The following ZFAND6 variants were observed in gnomAD, a reference collection of about 807,000 sequenced individuals.
ZFAND6 encodes the protein AN1-type zinc finger protein 6.
A neutral mutation model predicts 24.5 loss-of-function variants in ZFAND6; 12 were observed. The observed-to-expected ratio is 0.49, with a 90% CI of 0.31 to 0.79. The LOEUF (loss-of-function observed/expected upper bound fraction) is 0.79. Among genes scored for constraint, ZFAND6 ranks in the 30% least tolerant of loss-of-function variants. The probability of loss-of-function intolerance (pLI) is 0.04; values close to 1 mark genes in which losing one functional copy is unlikely to be tolerated. For missense variants in ZFAND6, 207 were observed against 245.9 expected (o/e 0.84, Z 1.06); for synonymous variants, 92 against 81.5 (o/e 1.13, Z -0.69).
intron 6 of ZFAND6, among the ~76,000 whole-genome samples, chr15:80,132,512 C>A (rs1282720155): frequency 2.0e-5 from 3 of 152,140 alleles, no homozygotes; most frequent in Non-Finnish European, 4.4e-5. Context: ...ATATACTATA[C>A]TTCTCTAATA....
intron 5 of ZFAND6, among the ~76,000 whole-genome samples, chr15:80,126,562 A>G (rs762437288): frequency 5.9e-5 from 9 of 152,248 alleles, no homozygotes; most frequent in Non-Finnish European, 1.0e-4. Context: ...TTTTAAACAA[A>G]TGATGCAGGA....
At chr15:80,077,474 C>CA (rs930939650) in intron 1 of ZFAND6, among the ~76,000 whole-genome samples, 1 of 151,462 alleles carries the variant, frequency 6.6e-6, no homozygotes, top group Non-Finnish European at 1.5e-5. Context: ...TCTATTGGAC[C>CA]AAAAAAAGAA....
chr15:80,060,170 G>C (rs144721443), intron 1 of ZFAND6: 2 of 152,058 alleles, frequency 1.3e-5, no homozygotes, highest in Non-Finnish European at 2.9e-5. Flanking sequence ...AGCGGGTTGC[G>C]AGCGGTTGGC....
intron 5 of ZFAND6, chr15:80,130,464 A>C (rs1341700993): frequency 6.6e-6 from 1 of 152,188 alleles, no homozygotes. Flanking sequence ...GCAAAATGTC[A>C]CGTCTGCAAG....
chr15:80,083,031 G>A (rs1012209149), intron 1 of ZFAND6, among the ~76,000 whole-genome samples: 14 of 151,782 alleles, frequency 9.2e-5, no homozygotes, highest in Non-Finnish European at 1.6e-4. Flanking sequence ...TCACTCTGTC[G>A]CCCAGGCTGG....
At chr15:80,110,605 A>G (rs573312041) in intron 2 of ZFAND6, among the ~76,000 whole-genome samples, 31 of 151,774 alleles carry the variant, frequency 2.0e-4, no homozygotes, top group African/African-American at 7.0e-4. Flanking sequence ...AACTGATACT[A>G]GATATCAAAA....
intron 2 of ZFAND6, among the ~76,000 whole-genome samples, chr15:80,101,523 A>G (rs571126767): frequency 3.3e-5 from 5 of 152,294 alleles, no homozygotes; most frequent in African/African-American, 1.2e-4. Context: ...TGCTGTGTGC[A>G]TTAGCCCCAT....
At chr15:80,082,783 G>A (rs557922545) in intron 1 of ZFAND6, among the ~76,000 whole-genome samples, 1 of 152,186 alleles carries the variant, frequency 6.6e-6, no homozygotes, top group Admixed American at 6.5e-5. Flanking sequence ...TTCCCTCCTT[G>A]TTTTGCTGAG....
chr15:80,115,864 A>T (rs1487806827), intron 2 of ZFAND6, among the ~76,000 whole-genome samples: 1 of 152,140 alleles, frequency 6.6e-6, no homozygotes, highest in African/African-American at 2.4e-5. Context: ...CTTAGTGGTC[A>T]TATTGTACTT....
intron 1 of ZFAND6, among the ~76,000 whole-genome samples, chr15:80,068,701 G>A (rs2036802897): frequency 6.6e-6 from 1 of 152,170 alleles, no homozygotes; most frequent in African/African-American, 2.4e-5. Flanking sequence ...CAAGTAATCT[G>A]TCTGCCTTGG....
chr15:80,059,020 G>A (rs1331499185), upstream of ZFAND6, among the ~76,000 whole-genome samples: 1 of 152,264 alleles, frequency 6.6e-6, no homozygotes, highest in African/African-American at 2.4e-5. Context: ...GAACAGGCTG[G>A]AACTGGGGGT....
intron 1 of ZFAND6, among the ~76,000 whole-genome samples, chr15:80,086,558 C>A (rs2038018197): frequency 6.6e-6 from 1 of 152,176 alleles, no homozygotes; most frequent in South Asian, 2.1e-4. Context: ...TTTGCCCTTT[C>A]TTGACATTTC....
At chr15:80,072,479 C>T (rs1008726776) in intron 1 of ZFAND6, 8 of 151,962 alleles carry the variant, frequency 5.3e-5, no homozygotes, top group African/African-American at 9.7e-5. Flanking sequence ...GGATATTAGC[C>T]GTATCCAATC....
At chr15:80,109,510 G>A (rs1371451902) in intron 2 of ZFAND6, among the ~76,000 whole-genome samples, 2 of 152,168 alleles carry the variant, frequency 1.3e-5, no homozygotes, top group African/African-American at 2.4e-5. Flanking sequence ...AGAAGGAATA[G>A]CAAGTACAAA....
At chr15:80,088,918 C>G (rs1462691402) in intron 1 of ZFAND6, among the ~76,000 whole-genome samples, 1 of 152,084 alleles carries the variant, frequency 6.6e-6, no homozygotes, top group Non-Finnish European at 1.5e-5. Context: ...CCCTTCTTTC[C>G]CAACATTTGA....
intron 1 of ZFAND6, among the ~76,000 whole-genome samples, chr15:80,061,676 C>T (rs1484542983): frequency 6.6e-6 from 1 of 152,122 alleles, no homozygotes; most frequent in Non-Finnish European, 1.5e-5. Flanking sequence ...GTTAATCTGC[C>T]ATAACTTATG....
At chr15:80,123,659 T>C (rs577310984) in intron 5 of ZFAND6, among the ~76,000 whole-genome samples, 1 of 152,320 alleles carries the variant, frequency 6.6e-6, no homozygotes, top group African/African-American at 2.4e-5. Flanking sequence ...CCCTACCTAC[T>C]TGAGAGGCTA....
intron 1 of ZFAND6, among the ~76,000 whole-genome samples, chr15:80,091,581 G>C (rs1007330429): frequency 2.0e-5 from 3 of 152,078 alleles, no homozygotes; most frequent in African/African-American, 7.2e-5. Flanking sequence ...CGGTATCCTT[G>C]ATTTGCTCTT....
At chr15:80,080,936 C>A (rs146475294) in intron 1 of ZFAND6, among the ~76,000 whole-genome samples, 1 of 152,178 alleles carries the variant, frequency 6.6e-6, no homozygotes, top group Non-Finnish European at 1.5e-5. Flanking sequence ...GAGAACTCCT[C>A]CATCCCCATC....
Sources: gnomAD v4.1 joint callset for allele counts (sites outside exome capture counted in the v4.1 genomes callset) on GRCh38, gnomAD v4.1.1 for gene constraint, MANE v1.5 for transcripts, NCBI Gene and HGNC (gene_info 2026-07-23, HGNC 2026-07-21) for gene names.